SLC46A3: variants seen among roughly 807,000 people sequenced by gnomAD.
The protein encoded by SLC46A3 is solute carrier family 46 member 3, also known as lysosomal proton-coupled steroid conjugate and bile acid symporter SLC46A3.
A neutral mutation model predicts 38.5 loss-of-function variants in SLC46A3; 26 were observed. The observed-to-expected ratio is 0.68, with a 90% CI of 0.49 to 0.94. The LOEUF is 0.94. SLC46A3 is among the 40% of genes least tolerant of loss of function. The pLI is 0.00. For synonymous variants in SLC46A3, 185 were observed against 192.5 expected (o/e 0.96, Z 0.32); for missense variants, 510 against 544.3 (o/e 0.94, Z 0.63).
chr13:28,701,620 G>A (rs1323767019), intron 5 of SLC46A3, 39 bp from the exon 6 acceptor site: 1 of 1,574,314 alleles, frequency 6.4e-7, no homozygotes, highest in East Asian at 2.2e-5. Flanking sequence ...TTGAGATTAA[G>A]ACAATACATA....
intron 2 of SLC46A3, among the ~76,000 whole-genome samples, chr13:28,717,238 C>T (rs917277076): frequency 6.6e-6 from 1 of 152,084 alleles, no homozygotes; most frequent in African/African-American, 2.4e-5. Flanking sequence ...CTCCTCAACA[C>T]GTGAGAGCCA....
At position 28,700,750 on chromosome 13, in the gene SLC46A3, A is replaced by AT. The variant is rs1040418934; in HGVS notation, c.*746dup. The AT allele has an allele frequency of 1.3e-5, 6 of 470,778 alleles. No individual in the cohort carries two copies. Among genetic ancestry groups the AT allele is most frequent in the African/African-American group, 2.0e-5 (1 of 50,688 alleles). 29.2% of individuals were successfully genotyped at this position (470,778 alleles called of 1,614,324 possible). ...TTTAGAGCAATTTTATTTATCATCT[A>AT]TTTTTTCCCAATTACCCATTACATA... On this transcript the variant is annotated 3_prime_UTR_variant, in exon 6 of 6. Coordinates refer to ENST00000266943, the MANE Select transcript of SLC46A3 (RefSeq NM_181785.4).
At chr13:28,714,617 C>T (rs372148653) in intron 2 of SLC46A3, among the ~76,000 whole-genome samples, 12 of 152,190 alleles carry the variant, frequency 7.9e-5, no homozygotes, top group Non-Finnish European at 1.3e-4. Context: ...GGCGTGGTGG[C>T]GTACGCCTGT....
In SLC46A3 at chr13:28,700,335, T is replaced by C. The variant is rs1009117012; in HGVS notation, c.*1162A>G. ...AATGTAATGTGGGAGGAAGAGCAAATGGAACAGTGTGTGAAAAGACATGGA... is the reference window on the plus strand; with the variant it reads ...AATGTAATGTGGGAGGAAGAGCAAACGGAACAGTGTGTGAAAAGACATGGA... On this transcript the variant is annotated 3_prime_UTR_variant, in exon 6 of 6. Transcript: ENST00000266943. 6.6e-6 allele frequency: 1 copy of C among 152,144 alleles called. No homozygotes were observed. Among genetic ancestry groups the C allele is most frequent in the African/African-American group, 2.4e-5 (1 of 41,416 alleles). The allele number at this position is 152,144 out of a possible 1,614,324, so 9.4% of individuals were successfully genotyped here.
Position 28,713,005 on chromosome 13 carries a change from A to G in SLC46A3, c.735T>C (p.Thr245=). The part of the protein sequence containing the change: ...SEGFKNLFYR[T]YMLFKNASGK... Reference sequence around the variant, plus strand: ...CAGAAGCATTCTTAAAAAGCATGTAAGTTCGGTAAAATAGGTTTTTGAAGC... The same window carrying G: ...CAGAAGCATTCTTAAAAAGCATGTAGGTTCGGTAAAATAGGTTTTTGAAGC... The change falls in exon 3 of 6, where the codon ACT becomes ACC. Residue 245 remains threonine, a synonymous_variant. Transcript: ENST00000266943. 6.2e-7 allele frequency: 1 copy of G among 1,613,344 alleles called. No individual in the cohort carries two copies. Among genetic ancestry groups the G allele is most frequent in the South Asian group, 1.1e-5 (1 of 90,844 alleles).
chr13:28,713,336 G>T lies in SLC46A3; in HGVS notation c.404C>A (p.Thr135Asn). 6.2e-7 allele frequency: 1 copy of T among 1,613,988 alleles called. No homozygotes were observed. The highest frequency in any genetic ancestry group is 8.5e-7 in the Non-Finnish European group (1 of 1,180,022). Residue 135 changes from threonine to asparagine, a missense_variant, in exon 3 of 6, where the codon ACC (threonine) becomes AAC (asparagine). Thr to Asn is a moderately conservative substitution (Grantham distance 65, BLOSUM62 0). Transcript: ENST00000266943. Reference protein sequence around the residue: ...AFPFQLLIASTFIGAFCGNYT... With the variant: ...AFPFQLLIASNFIGAFCGNYT... Reference sequence around the variant, plus strand: ...ATTGCCACAAAATGCACCAATGAAGGTAGATGCAATCAAAAGCTGGAATGG... The same window carrying T: ...ATTGCCACAAAATGCACCAATGAAGTTAGATGCAATCAAAAGCTGGAATGG...
At chr13:28,703,044 T>C (rs1885073730) in intron 5 of SLC46A3, among the ~76,000 whole-genome samples, 1 of 152,326 alleles carries the variant, frequency 6.6e-6, no homozygotes, top group Admixed American at 6.5e-5. Context: ...ATTCATCTAG[T>C]TGGCTCACAT....
chr13:28,710,694 T>G (rs1161682411), intron 4 of SLC46A3, 66 bp downstream of exon 4: 4 of 1,204,074 alleles, frequency 3.3e-6, no homozygotes, highest in Non-Finnish European at 4.9e-6. Flanking sequence ...CATTAAACAT[T>G]GATTGTACAC....
intron 5 of SLC46A3, among the ~76,000 whole-genome samples, chr13:28,702,420 A>G (rs547078495): frequency 1.8e-4 from 27 of 152,340 alleles, no homozygotes; most frequent in African/African-American, 6.5e-4. Flanking sequence ...AATTTTTGAC[A>G]AAATTACTCA....
chr13:28,708,277 C>CA (rs1885234265), intron 4 of SLC46A3, among the ~76,000 whole-genome samples: 1 of 152,150 alleles, frequency 6.6e-6, no homozygotes, highest in Non-Finnish European at 1.5e-5. Flanking sequence ...TTTATGTTCC[C>CA]ACTCGCAGTG....
intron 5 of SLC46A3, 122 bp from the exon 6 acceptor site, chr13:28,701,703 G>T (rs553018926): frequency 1.6e-4 from 130 of 838,412 alleles, no homozygotes; most frequent in Admixed American, 2.8e-4. Flanking sequence ...TTATTAGGAG[G>T]AGTATCCTGG....
At position 28,710,610 on chromosome 13, in the gene SLC46A3, CT is replaced by C. The variant is rs1885313910; in HGVS notation, c.1144+149del. The C allele has an allele frequency of 1.6e-5, 11 of 671,998 alleles. No individual in the cohort carries two copies. In the South Asian group the frequency reaches 2.1e-4, roughly 13 times the overall value. 41.6% of individuals were successfully genotyped at this position (671,998 alleles called of 1,614,324 possible). ...GGGGCTCCCTTGCAAGAGTGTAAGCCTTTCCCTCACAGAGCTTACCACTTTA... is the reference window on the plus strand; with the variant it reads ...GGGGCTCCCTTGCAAGAGTGTAAGCCTTCCCTCACAGAGCTTACCACTTTA... On this transcript the variant is annotated intron_variant, in intron 4 of 5. Transcript: ENST00000266943.
At chr13:28,712,052 G>A (rs1885359457) in intron 3 of SLC46A3, among the ~76,000 whole-genome samples, 3 of 152,152 alleles carry the variant, frequency 2.0e-5, no homozygotes, top group Admixed American at 2.0e-4. Context: ...ACTTTTATTA[G>A]AGAAAAGAGT....
intron 2 of SLC46A3, 103 bp from the exon 3 acceptor site, chr13:28,713,653 T>C (rs1335461089): frequency 8.8e-7 from 1 of 1,133,988 alleles, no homozygotes; most frequent in African/African-American, 1.6e-5. Context: ...CAGTAGGTTA[T>C]GGGTGGGGAA....
intron 4 of SLC46A3, among the ~76,000 whole-genome samples, chr13:28,709,623 T>C (rs1885284397): frequency 6.6e-6 from 1 of 152,234 alleles, no homozygotes. Flanking sequence ...ATCCTGGTTA[T>C]TCTCTGCCTG....
intron 2 of SLC46A3, among the ~76,000 whole-genome samples, chr13:28,716,882 C>A (rs1261973500): frequency 3.9e-5 from 6 of 151,986 alleles, no homozygotes; most frequent in Non-Finnish European, 7.4e-5. Flanking sequence ...CCTTTTAATT[C>A]ATTTCATCTT....
chr13:28,701,476 TTTTG>T lies in SLC46A3; in HGVS notation c.*17_*20del, dbSNP rs1885018183. On this transcript the variant is annotated 3_prime_UTR_variant, in exon 6 of 6. Coordinates refer to ENST00000266943, the MANE Select transcript of SLC46A3 (RefSeq NM_181785.4). ...TATGATATGTGCATTCATAGATTTT[TTTTG>T]TTTGTTTAAATCACAGTCACCTGTC... The T allele has an allele frequency of 6.2e-7, 1 of 1,607,556 alleles. No individual in the cohort carries two copies.
At position 28,706,664 on chromosome 13, in the gene SLC46A3, G is replaced by A. The variant is rs192478235; in HGVS notation, c.1145-2565C>T. On this transcript the variant is annotated intron_variant, in intron 4 of 5. Coordinates refer to ENST00000266943, the MANE Select transcript of SLC46A3 (RefSeq NM_181785.4). ...TGGTCTCAAGTGATCCTCCCACCTC[G>A]GCCTCCCAAAGTGCTGGGATTACAG... is the stretch of plus-strand genomic sequence containing the variant. Among the ~76,000 whole-genome samples, 16 of 152,032 alleles carry A rather than the reference G, an allele frequency of 1.1e-4. No homozygotes were observed. In the South Asian group the frequency reaches 2.7e-3, roughly 26 times the overall value.
At chr13:28,708,614 C>CT (rs71190788) in intron 4 of SLC46A3, among the ~76,000 whole-genome samples, 6,799 of 128,236 alleles carry the variant, frequency 0.053, 264 homozygotes, top group Middle Eastern at 0.099. Flanking sequence ...TTTTTCTTTT[C>CT]TTTTTTTTTT....
Sources: allele counts gnomAD v4.1 joint callset (sites outside exome capture counted in the v4.1 genomes callset), GRCh38; gene constraint gnomAD v4.1.1; transcripts MANE v1.5; gene names NCBI Gene and HGNC (gene_info 2026-07-23, HGNC 2026-07-21).